SAMD5: variants seen among roughly 807,000 people sequenced by gnomAD.
SAMD5 encodes sterile alpha motif domain-containing protein 5.
In SAMD5, 13 loss-of-function variants were observed where a neutral mutation model predicts 11.3. That is an observed-to-expected ratio of 1.15 (90% confidence interval 0.75 to 1.83). SAMD5 has a LOEUF of 1.83. SAMD5 is among the 40% of genes most tolerant of loss of function. The probability of loss-of-function intolerance (pLI) is 0.00; values close to 1 mark genes in which losing one functional copy is unlikely to be tolerated. For synonymous variants in SAMD5, 129 were observed against 111.3 expected, an observed-to-expected ratio of 1.16 and a Z score of -1.00; for missense variants, 255 against 239.1, an observed-to-expected ratio of 1.07 and a Z score of -0.44.
intron 1 of SAMD5, among the ~76,000 whole-genome samples, chr6:147,629,384 T>A (rs1281244949): frequency 1.3e-5 from 2 of 152,132 alleles, no homozygotes; most frequent in Non-Finnish European, 2.9e-5. Flanking sequence ...AAATTCAGAC[T>A]CTAAAGAGGT....
chr6:147,553,433 A>G (rs1214066066), intron 1 of SAMD5, among the ~76,000 whole-genome samples: 3 of 152,018 alleles, frequency 2.0e-5, no homozygotes, highest in Non-Finnish European at 2.9e-5. Flanking sequence ...TGTGTTCTCC[A>G]CTCCCTAACC....
chr6:147,539,048 C>A (rs962016375), intron 1 of SAMD5, among the ~76,000 whole-genome samples: 3 of 152,190 alleles, frequency 2.0e-5, no homozygotes, highest in East Asian at 1.9e-4. Context: ...AAGGGTGGAG[C>A]GCTTGGAGCA....
the SAMD5 span, among the ~76,000 whole-genome samples, chr6:147,809,480 GA>G: frequency 6.5e-4 from 94 of 145,338 alleles, no homozygotes; most frequent in Non-Finnish European, 3.3e-4. Flanking sequence ...AAAATTAAAA[GA>G]AAAAAAAAAC....
At chr6:147,908,947 G>A in the SAMD5 span, among the ~76,000 whole-genome samples, 3 of 151,780 alleles carry the variant, frequency 2.0e-5, no homozygotes, top group Non-Finnish European at 2.9e-5. Flanking sequence ...GTGACTCAAC[G>A]ACTATAATCC....
At chr6:147,540,239 G>C (rs577702321) in intron 1 of SAMD5, among the ~76,000 whole-genome samples, 1 of 152,232 alleles carries the variant, frequency 6.6e-6, no homozygotes, top group East Asian at 1.9e-4. Context: ...GAATCATTCC[G>C]GAAGCCAAGA....
At chr6:147,601,446 T>A (rs1583102118) in intron 1 of SAMD5, among the ~76,000 whole-genome samples, 1 of 152,102 alleles carries the variant, frequency 6.6e-6, no homozygotes, top group African/African-American at 2.4e-5. Context: ...AGGACTTAAT[T>A]TACTGAATGA....
the SAMD5 span, among the ~76,000 whole-genome samples, chr6:147,912,972 G>A: frequency 6.6e-6 from 1 of 151,944 alleles, no homozygotes; most frequent in East Asian, 1.9e-4. Context: ...AGAATAGGTT[G>A]GAAAATATAC....
chr6:147,716,204 C>T (rs993104236), intron 1 of SAMD5, among the ~76,000 whole-genome samples: 8 of 152,204 alleles, frequency 5.3e-5, no homozygotes, highest in Admixed American at 2.6e-4. Flanking sequence ...TTCCTGTGCT[C>T]GTCACCCCCC....
chr6:147,640,853 C>G (rs1790302297), intron 1 of SAMD5, among the ~76,000 whole-genome samples: 1 of 152,184 alleles, frequency 6.6e-6, no homozygotes, highest in Non-Finnish European at 1.5e-5. Context: ...GACCTGAGGA[C>G]TTTGTCTTTA....
chr6:147,643,200 T>C (rs11755113), intron 1 of SAMD5, among the ~76,000 whole-genome samples: 80,139 of 151,996 alleles, frequency 0.53, 22,802 homozygotes, highest in South Asian at 0.71. Context: ...CGTATATTAA[T>C]GCTTCTTTTG....
At chr6:147,797,770 T>C in the SAMD5 span, among the ~76,000 whole-genome samples, 11 of 146,252 alleles carry the variant, frequency 7.5e-5, no homozygotes, top group African/African-American at 2.1e-4. Flanking sequence ...TATTCAGAGA[T>C]TCAACTTCTT....
the SAMD5 span, among the ~76,000 whole-genome samples, chr6:147,927,755 G>C: frequency 2.0e-5 from 3 of 152,122 alleles, no homozygotes; most frequent in Non-Finnish European, 4.4e-5. Flanking sequence ...GTTTGCAAGG[G>C]GAATGCTTAC....
At chr6:147,627,603 G>A (rs1248069282) in intron 1 of SAMD5, among the ~76,000 whole-genome samples, 1 of 152,096 alleles carries the variant, frequency 6.6e-6, no homozygotes, top group East Asian at 1.9e-4. Context: ...GAATATTAAT[G>A]CGAGTCAGGA....
the SAMD5 span, among the ~76,000 whole-genome samples, chr6:147,857,010 C>T: frequency 6.6e-6 from 1 of 151,638 alleles, no homozygotes; most frequent in African/African-American, 2.4e-5. Context: ...ACAAAGGGAG[C>T]TAAGAAAATG....
At chr6:147,768,207 A>G in the SAMD5 span, among the ~76,000 whole-genome samples, 1 of 152,186 alleles carries the variant, frequency 6.6e-6, no homozygotes, top group Non-Finnish European at 1.5e-5. Flanking sequence ...GGCTAGGCAC[A>G]GTGGTTTAGG....
chr6:147,709,982 G>A (rs1791373684), intron 1 of SAMD5, among the ~76,000 whole-genome samples: 1 of 152,250 alleles, frequency 6.6e-6, no homozygotes, highest in South Asian at 2.1e-4. Flanking sequence ...CAATCCCTCA[G>A]TGAGGTCTAC....
At chr6:147,938,412 A>T in the SAMD5 span, among the ~76,000 whole-genome samples, 1 of 152,204 alleles carries the variant, frequency 6.6e-6, no homozygotes, top group Non-Finnish European at 1.5e-5. Flanking sequence ...CAGACAAGGG[A>T]TGCTCAATGG....
chr6:147,948,579 C>T, the SAMD5 span, among the ~76,000 whole-genome samples: 3 of 152,116 alleles, frequency 2.0e-5, no homozygotes, highest in Admixed American at 1.3e-4. Context: ...CTCTCCTTCA[C>T]GTTCATCATC....
intron 1 of SAMD5, among the ~76,000 whole-genome samples, chr6:147,648,273 C>T (rs1337360273): frequency 2.0e-5 from 3 of 152,056 alleles, no homozygotes; most frequent in Non-Finnish European, 4.4e-5. Flanking sequence ...CTTCACAGGG[C>T]GGCAAGAAGG....
Sources: gnomAD v4.1 joint callset for allele counts (sites outside exome capture counted in the v4.1 genomes callset) on GRCh38, gnomAD v4.1.1 for gene constraint, MANE v1.5 for transcripts, NCBI Gene and HGNC (gene_info 2026-07-23, HGNC 2026-07-21) for gene names.